Variants in NOVA1 observed in about 807,000 individuals in gnomAD.
NOVA1 encodes the protein RNA-binding protein Nova-1.
In NOVA1, 7 loss-of-function variants were observed where a neutral mutation model predicts 38.0. The observed-to-expected ratio is 0.18, with a 90% confidence interval of 0.10 to 0.35. The LOEUF (loss-of-function observed/expected upper bound fraction) is 0.35, where lower values mean the gene tolerates loss of function less well. NOVA1 is among the 10% of genes least tolerant of loss of function. The pLI, the probability that NOVA1 is intolerant of heterozygous loss-of-function variation, is 1.00. For missense variants in NOVA1, 460 were observed against 616.0 expected (o/e 0.75, Z 2.68); for synonymous variants, 270 against 232.5 (o/e 1.16, Z -1.47).
chr14:26,577,540 T>C (rs565275925), intron 2 of NOVA1, among the ~76,000 whole-genome samples: 1 of 152,258 alleles, frequency 6.6e-6, no homozygotes, highest in Admixed American at 6.5e-5. Context: ...CAGAGTGCAT[T>C]TCTGTAACAT....
intron 2 of NOVA1, among the ~76,000 whole-genome samples, chr14:26,510,041 C>T (rs1187239709): frequency 6.6e-6 from 1 of 152,014 alleles, no homozygotes; most frequent in Non-Finnish European, 1.5e-5. Flanking sequence ...AAGGCTAGAT[C>T]TTGAGAAAAC....
At chr14:26,563,034 T>C (rs915271241) in intron 2 of NOVA1, among the ~76,000 whole-genome samples, 23 of 152,052 alleles carry the variant, frequency 1.5e-4, no homozygotes, top group African/African-American at 5.3e-4. Context: ...TCATACAGAA[T>C]CCCTAGCTTT....
chr14:26,556,625 T>C (rs778893295), intron 2 of NOVA1, among the ~76,000 whole-genome samples: 6 of 151,972 alleles, frequency 3.9e-5, no homozygotes, highest in Non-Finnish European at 5.9e-5. Flanking sequence ...CAAAAGCAGA[T>C]CCATGTAAGA....
At chr14:26,570,868 T>A (rs1348676511) in intron 2 of NOVA1, among the ~76,000 whole-genome samples, 1 of 152,126 alleles carries the variant, frequency 6.6e-6, no homozygotes, top group East Asian at 1.9e-4. Context: ...TTAAGGTATA[T>A]CTGTTATATT....
In NOVA1 at chr14:26,597,283, G is replaced by A. The variant is rs1046030651; in HGVS notation, c.136+18C>T. The A allele has an allele frequency of 5.6e-6, 7 of 1,243,412 alleles. No homozygotes were observed. Among genetic ancestry groups the A allele is most frequent in the Non-Finnish European group, 7.1e-6 (7 of 987,620 alleles). The allele number at this position is 1,243,412 out of a possible 1,614,324, so 77.0% of individuals were successfully genotyped here. A position where few individuals can be genotyped will look rare whatever the true frequency, so the allele number is the denominator to read the frequency against. ...CGGCGGGGGATGGGGCCAGCGGGGA[G>A]GTGGAAGCGATACCCACCGCCCGTA... On this transcript the variant is annotated intron_variant, in intron 1 of 4. Coordinates refer to ENST00000539517, the MANE Select transcript of NOVA1 (RefSeq NM_002515.3).
chr14:26,471,715 G>T (rs1236382410), intron 4 of NOVA1, among the ~76,000 whole-genome samples: 2 of 151,918 alleles, frequency 1.3e-5, no homozygotes, highest in African/African-American at 2.4e-5. Context: ...TACTTGCAAA[G>T]TTTGTCAGCA....
chr14:26,462,851 TAC>T (rs2138211682), intron 4 of NOVA1, among the ~76,000 whole-genome samples: 1 of 152,318 alleles, frequency 6.6e-6, no homozygotes, highest in East Asian at 1.9e-4. Context: ...ACATTGCATA[TAC>T]CACAACTGAA....
intron 2 of NOVA1, among the ~76,000 whole-genome samples, chr14:26,484,605 CTCTT>C (rs1022045913): frequency 2.0e-5 from 3 of 152,098 alleles, no homozygotes; most frequent in Non-Finnish European, 4.4e-5. Flanking sequence ...TATAGATACT[CTCTT>C]TCTACTTCCT....
At chr14:26,571,274 GGCCA>G (rs1892454866) in intron 2 of NOVA1, among the ~76,000 whole-genome samples, 1 of 152,042 alleles carries the variant, frequency 6.6e-6, no homozygotes, top group African/African-American at 2.4e-5. Context: ...AAAAAATTGA[GGCCA>G]GCCAGTCTCT....
intron 2 of NOVA1, among the ~76,000 whole-genome samples, chr14:26,486,585 T>C (rs924638062): frequency 2.0e-5 from 3 of 150,030 alleles, no homozygotes; most frequent in African/African-American, 7.4e-5. Flanking sequence ...GGTGGGCACC[T>C]GTAGTCCTAG....
At position 26,529,860 on chromosome 14, in the gene NOVA1, C is replaced by T. The variant is rs1889575824; in HGVS notation, c.281-49717G>A. Reference sequence around the variant, plus strand: ...GTCCTTTTCCTGTATGTGATGAGGACCTGGAGATGTGATACTTTTAGCTTC... The same window carrying T: ...GTCCTTTTCCTGTATGTGATGAGGATCTGGAGATGTGATACTTTTAGCTTC... On this transcript the variant is annotated intron_variant, in intron 2 of 4. Coordinates refer to ENST00000539517, the MANE Select transcript of NOVA1 (RefSeq NM_002515.3). Among the ~76,000 whole-genome samples the T allele has an allele frequency of 2.6e-5, 4 of 152,240 alleles. No individual in the cohort carries two copies. In the South Asian group the frequency reaches 8.3e-4, roughly 32 times the overall value.
At chr14:26,460,799 C>T (rs992714668) in intron 4 of NOVA1, among the ~76,000 whole-genome samples, 2 of 152,094 alleles carry the variant, frequency 1.3e-5, no homozygotes, top group Admixed American at 6.6e-5. Context: ...AATGTGAAGA[C>T]ATTCATGTAT....
intron 2 of NOVA1, among the ~76,000 whole-genome samples, chr14:26,537,296 CTA>C (rs1312785182): frequency 9.2e-5 from 14 of 151,754 alleles, no homozygotes; most frequent in African/African-American, 3.1e-4. Flanking sequence ...TATATAATTT[CTA>C]TGTTATAAAA....
At chr14:26,481,988 T>TTAAAAAAAAAAA (rs922159329) in intron 2 of NOVA1, among the ~76,000 whole-genome samples, 1 of 105,986 alleles carries the variant, frequency 9.4e-6, no homozygotes, top group African/African-American at 5.1e-5. Context: ...TAGATAGAGA[T>TTAAAAAAAAAAA]AAAAAAAAAA....
chr14:26,462,798 A>G (rs1883795056), intron 4 of NOVA1, among the ~76,000 whole-genome samples: 1 of 152,174 alleles, frequency 6.6e-6, no homozygotes, highest in South Asian at 2.1e-4. Flanking sequence ...AATGTCAAAG[A>G]CAACCAATTT....
intron 2 of NOVA1, among the ~76,000 whole-genome samples, chr14:26,484,235 C>A (rs1473883587): frequency 6.6e-6 from 1 of 151,530 alleles, no homozygotes; most frequent in African/African-American, 2.4e-5. Flanking sequence ...AAGATCGAGG[C>A]CATCCTGGCT....
At chr14:26,534,385 C>T (rs572095505) in intron 2 of NOVA1, among the ~76,000 whole-genome samples, 1 of 151,942 alleles carries the variant, frequency 6.6e-6, no homozygotes, top group East Asian at 1.9e-4. Flanking sequence ...GGAAAAAATA[C>T]CCGTCTGAAA....
At chr14:26,515,886 GTA>G (rs1182757658) in intron 2 of NOVA1, among the ~76,000 whole-genome samples, 1 of 151,896 alleles carries the variant, frequency 6.6e-6, no homozygotes. Context: ...ATGTATACAT[GTA>G]TACATAAAAA....
intron 2 of NOVA1, among the ~76,000 whole-genome samples, chr14:26,544,237 AAGTC>A (rs1415027782): frequency 6.6e-6 from 1 of 152,022 alleles, no homozygotes; most frequent in Non-Finnish European, 1.5e-5. Flanking sequence ...ATAAACCAGA[AAGTC>A]AGAAACTAAG....
Sources: gnomAD v4.1 joint callset for allele counts (sites outside exome capture counted in the v4.1 genomes callset) on GRCh38, gnomAD v4.1.1 for gene constraint, MANE v1.5 for transcripts, NCBI Gene and HGNC (gene_info 2026-07-23, HGNC 2026-07-21) for gene names.